Variants in GPC3 observed in about 807,000 individuals in gnomAD.
The protein encoded by GPC3 is glypican 3.
In GPC3, 3 loss-of-function variants were observed where a neutral mutation model predicts 34.4. The observed-to-expected ratio is 0.09, with a 90% CI of 0.04 to 0.23. The LOEUF is 0.23. Ranked by LOEUF, GPC3 falls within the 10% of genes least tolerant of loss-of-function variation. GPC3 has a pLI of 1.00. For synonymous variants in GPC3, 177 were observed against 174.0 expected (o/e 1.02, Z -0.13); for missense variants, 351 against 445.6 (o/e 0.79, Z 1.91).
chrX:133,950,210 T>C, intron 2 of GPC3, among the ~76,000 whole-genome samples: 1 of 111,971 alleles, frequency 8.9e-6, no homozygotes, highest in Middle Eastern at 4.6e-3. Flanking sequence ...AACGAGGCAA[T>C]GCAAAGACTG....
chrX:133,880,393 C>A (rs770499858), intron 2 of GPC3, among the ~76,000 whole-genome samples: 7 of 111,961 alleles, frequency 6.3e-5, no homozygotes, highest in African/African-American at 2.3e-4. Flanking sequence ...TGGCAAGTTA[C>A]CAAACACAAT....
In GPC3 at chrX:133,699,938, C is replaced by T; in HGVS notation, c.1123G>A (p.Val375Ile). ...GTTTCTTCATGTTCTACATGAGCAA[C>T]TTTTAATACTTTCTTGTCAATAAAG... ...DLFIDKKVLK[V>I]AHVEHEETLS... The change falls in exon 4 of 8, where the codon GTT becomes ATT. Residue 375 changes from valine to isoleucine, a missense_variant. By Grantham distance (29) the Val-to-Ile change is conservative. Transcript: ENST00000370818. 1 of 1,199,449 alleles carries T rather than the reference C, an allele frequency of 8.3e-7. No individual in the cohort carries two copies. Among genetic ancestry groups the T allele is most frequent in the Non-Finnish European group, 1.1e-6 (1 of 885,202 alleles).
chrX:133,904,845 T>C (rs888416120), intron 2 of GPC3, among the ~76,000 whole-genome samples: 25 of 111,523 alleles, frequency 2.2e-4, no homozygotes, highest in African/African-American at 7.2e-4. Flanking sequence ...ACAAACAACA[T>C]TGAGGCCTAG....
intron 2 of GPC3, among the ~76,000 whole-genome samples, chrX:133,832,969 G>A (rs1410291610): frequency 8.9e-6 from 1 of 112,048 alleles, no homozygotes. Flanking sequence ...ATCTCTCCTT[G>A]GGGAAAAGAA....
chrX:133,816,072 A>G (rs1038008909), intron 2 of GPC3, among the ~76,000 whole-genome samples: 2 of 110,531 alleles, frequency 1.8e-5, no homozygotes, highest in Non-Finnish European at 3.8e-5. Context: ...ATTTTTTGAG[A>G]TGGGATCTCC....
At chrX:133,840,133 G>A (rs2075817653) in intron 2 of GPC3, among the ~76,000 whole-genome samples, 1 of 110,610 alleles carries the variant, frequency 9.0e-6, no homozygotes, top group African/African-American at 3.3e-5. Flanking sequence ...TCCCCTAAGT[G>A]GTGATAATAT....
intron 2 of GPC3, among the ~76,000 whole-genome samples, chrX:133,759,642 C>T (rs1472239091): frequency 1.8e-5 from 2 of 111,733 alleles, no homozygotes; most frequent in African/African-American, 6.5e-5. Flanking sequence ...ACATAAAATG[C>T]AAAACTATAA....
At chrX:133,967,732 G>A (rs188128030) in intron 1 of GPC3, among the ~76,000 whole-genome samples, 2 of 112,143 alleles carry the variant, frequency 1.8e-5, no homozygotes, top group Non-Finnish European at 1.9e-5. Context: ...AAGCTCAAGC[G>A]ATCCTCCCAC....
intron 2 of GPC3, among the ~76,000 whole-genome samples, chrX:133,934,037 T>C (rs758390229): frequency 9.2e-4 from 93 of 101,258 alleles, no homozygotes; most frequent in Non-Finnish European, 1.7e-3. Context: ...GCTAAATTTT[T>C]TGTATTTTTT....
chrX:133,933,888 G>A (rs1603275050), intron 2 of GPC3, among the ~76,000 whole-genome samples: 2 of 91,169 alleles, frequency 2.2e-5, no homozygotes, highest in Non-Finnish European at 4.3e-5. Flanking sequence ...TTTTTGAGAT[G>A]GAATCTCACT....
At chrX:133,809,584 A>G (rs1369334441) in intron 2 of GPC3, among the ~76,000 whole-genome samples, 2 of 111,528 alleles carry the variant, frequency 1.8e-5, no homozygotes, top group Non-Finnish European at 3.8e-5. Flanking sequence ...TGGCCACAGA[A>G]CATCCTCCTA....
At chrX:133,609,335 A>C (rs890713626) in intron 6 of GPC3, among the ~76,000 whole-genome samples, 1 of 112,398 alleles carries the variant, frequency 8.9e-6, no homozygotes, top group South Asian at 3.7e-4. Context: ...CTACCAAATG[A>C]TTAAGTACTT....
chrX:133,903,997 G>A (rs1183045382), intron 2 of GPC3, among the ~76,000 whole-genome samples: 2 of 112,210 alleles, frequency 1.8e-5, no homozygotes, highest in East Asian at 5.6e-4. Flanking sequence ...CATCCAGGTA[G>A]TTGCTGAGCC....
chrX:133,959,240 C>T (rs996554132), intron 1 of GPC3, among the ~76,000 whole-genome samples: 5 of 111,866 alleles, frequency 4.5e-5, no homozygotes, highest in African/African-American at 1.3e-4. Context: ...ATTTAAATAT[C>T]TGACCTTTTA....
At chrX:133,804,508 T>C (rs747106359) in intron 2 of GPC3, among the ~76,000 whole-genome samples, 1 of 110,327 alleles carries the variant, frequency 9.1e-6, no homozygotes, top group Admixed American at 9.7e-5. Context: ...GACAAGCCCA[T>C]AGGGTGTCTC....
intron 3 of GPC3, among the ~76,000 whole-genome samples, chrX:133,753,281 A>G (rs1432655795): frequency 1.8e-5 from 2 of 111,923 alleles, no homozygotes; most frequent in Non-Finnish European, 3.8e-5. Flanking sequence ...ATCGCACAGT[A>G]AGGAAGTAGG....
chrX:133,560,737 T>TTA (rs2069533813), intron 7 of GPC3, among the ~76,000 whole-genome samples: 1 of 7,088 alleles, frequency 1.4e-4, no homozygotes. Context: ...AGACTCTGTC[T>TTA]CAAAAAAAAA....
At chrX:133,938,545 A>G (rs2076331942) in intron 2 of GPC3, among the ~76,000 whole-genome samples, 1 of 112,036 alleles carries the variant, frequency 8.9e-6, no homozygotes, top group African/African-American at 3.2e-5. Flanking sequence ...ACTTCCTGCA[A>G]TCTTATATAC....
intron 1 of GPC3, among the ~76,000 whole-genome samples, chrX:133,957,189 A>T (rs1207568905): frequency 8.9e-6 from 1 of 112,121 alleles, no homozygotes; most frequent in Non-Finnish European, 1.9e-5. Flanking sequence ...GAACTGGTAT[A>T]ATTGATCTAT....
Sources: allele counts gnomAD v4.1 joint callset (sites outside exome capture counted in the v4.1 genomes callset), GRCh38; gene constraint gnomAD v4.1.1; transcripts MANE v1.5; gene names NCBI Gene and HGNC (gene_info 2026-07-23, HGNC 2026-07-21).